ARHGAP21: variants seen among roughly 807,000 people sequenced by gnomAD.
The protein encoded by ARHGAP21 is rho GTPase-activating protein 21.
ARHGAP21 carries 38 observed loss-of-function variants against 164.6 expected under a neutral mutation model. That is an observed-to-expected ratio of 0.23 (90% confidence interval 0.18 to 0.30). ARHGAP21 has a LOEUF of 0.30. Ranked by LOEUF, ARHGAP21 falls within the 10% of genes least tolerant of loss-of-function variation. ARHGAP21 has a pLI of 1.00. For missense variants in ARHGAP21, 1,822 were observed against 2,370.7 expected (o/e 0.77, Z 4.81); for synonymous variants, 766 against 857.9 (o/e 0.89, Z 1.87).
intron 4 of ARHGAP21, among the ~76,000 whole-genome samples, chr10:24,654,127 C>G (rs2131581655): frequency 6.6e-6 from 1 of 152,256 alleles, no homozygotes; most frequent in Non-Finnish European, 1.5e-5. Context: ...GGACGTATCT[C>G]AAAATAATAA....
At chr10:24,716,813 T>A (rs1398141579) in intron 2 of ARHGAP21, among the ~76,000 whole-genome samples, 1 of 152,134 alleles carries the variant, frequency 6.6e-6, no homozygotes, top group East Asian at 1.9e-4. Flanking sequence ...CAAAGATCAC[T>A]CCAAGATGCC....
At chr10:24,614,782 C>CAAAA (rs34148464) in intron 9 of ARHGAP21, among the ~76,000 whole-genome samples, 43 of 110,112 alleles carry the variant, frequency 3.9e-4, no homozygotes, top group Non-Finnish European at 5.7e-4. Context: ...GACTCCATCT[C>CAAAA]AAAAAAAAAA....
chr10:24,602,819 A>T (rs2076870017), intron 12 of ARHGAP21, among the ~76,000 whole-genome samples: 1 of 152,138 alleles, frequency 6.6e-6, no homozygotes, highest in Admixed American at 6.5e-5. Flanking sequence ...GCTTGGATTT[A>T]AGTAGTATAG....
At chr10:24,650,852 A>T (rs1838090245) in intron 4 of ARHGAP21, among the ~76,000 whole-genome samples, 1 of 152,184 alleles carries the variant, frequency 6.6e-6, no homozygotes, top group Non-Finnish European at 1.5e-5. Flanking sequence ...CAGAGAGGTG[A>T]GTCCAGTGCT....
chr10:24,652,368 T>A (rs1838268016), intron 4 of ARHGAP21, among the ~76,000 whole-genome samples: 1 of 152,146 alleles, frequency 6.6e-6, no homozygotes, highest in Admixed American at 6.5e-5. Flanking sequence ...GGCTTAATTG[T>A]GAATAACGCA....
chr10:24,647,893 A>C (rs1837734833), intron 4 of ARHGAP21, among the ~76,000 whole-genome samples: 1 of 152,208 alleles, frequency 6.6e-6, no homozygotes, highest in African/African-American at 2.4e-5. Context: ...GCTGGAGTGC[A>C]GTGACACGAT....
intron 7 of ARHGAP21, among the ~76,000 whole-genome samples, chr10:24,625,299 G>GCAAAAAAAA (rs768183583): frequency 1.9e-5 from 1 of 53,798 alleles, no homozygotes; most frequent in Non-Finnish European, 3.4e-5. Context: ...ATGAAACAGA[G>GCAAAAAAAA]AAAAAAAAAA....
chr10:24,619,285 T>C (rs931571081), intron 9 of ARHGAP21, among the ~76,000 whole-genome samples, 188 bp downstream of exon 9: 6 of 151,700 alleles, frequency 4.0e-5, no homozygotes, highest in African/African-American at 1.2e-4. Context: ...AAAAGGAAAA[T>C]TGGTACTAGA....
chr10:24,660,186 A>G (rs1389941744), intron 4 of ARHGAP21, among the ~76,000 whole-genome samples: 1 of 151,956 alleles, frequency 6.6e-6, no homozygotes, highest in Non-Finnish European at 1.5e-5. Flanking sequence ...TGTTTCCCTA[A>G]CTATCAGAGA....
intron 2 of ARHGAP21, among the ~76,000 whole-genome samples, chr10:24,670,807 T>C (rs7907095): frequency 0.031 from 4,677 of 152,244 alleles, 220 homozygotes; most frequent in African/African-American, 0.1. Flanking sequence ...CCTTATCAGA[T>C]AGTCCAACAG....
Position 24,600,998 on chromosome 10 carries a change from T to C in ARHGAP21, c.2848-68A>G, listed in dbSNP as rs1446129030. On this transcript the variant is annotated intron_variant, in intron 13 of 25. Coordinates refer to ENST00000396432, the MANE Select transcript of ARHGAP21 (RefSeq NM_020824.4). ...AAATCTTTGTGACAGGATAAGCACA[T>C]TAAGCAACACCCTTCCTCTGCATTT... The C allele has an allele frequency of 5.2e-6, 8 of 1,535,442 alleles. No homozygotes were observed. In the African/African-American group the frequency reaches 1.1e-4, roughly 21 times the overall value.
At chr10:24,682,258 A>C (rs1271344888) in intron 2 of ARHGAP21, among the ~76,000 whole-genome samples, 1 of 152,224 alleles carries the variant, frequency 6.6e-6, no homozygotes, top group Non-Finnish European at 1.5e-5. Context: ...AATATCCATA[A>C]AACTTTTAGC....
rs775797680 is a variant in ARHGAP21, at chr10:24,607,871, T to C, written c.2455A>G (p.Ile819Val). The C allele has an allele frequency of 4.3e-6, 7 of 1,613,514 alleles. No individual in the cohort carries two copies. The highest frequency in any genetic ancestry group is 1.1e-5 in the South Asian group (1 of 90,994). ...EPTSPSIDHD[I>V]AHIPASAVIS... ...ACAGCAGAGGCAGGGATATGTGCAA[T>C]ATCATGATCAATGCTAGGGCTAGTT... Residue 819 changes from isoleucine (I) to valine (V), a missense_variant, in exon 10 of 26, where the codon ATT becomes GTT. Ile to Val is a conservative substitution (Grantham distance 29, BLOSUM62 3). Around this residue, in one of 5 missense-constraint regions of ARHGAP21, gnomAD observed 1,090 missense variants for 1,378.9 expected, o/e 0.79. Coordinates refer to ENST00000396432, the MANE Select transcript of ARHGAP21 (RefSeq NM_020824.4).
intron 7 of ARHGAP21, among the ~76,000 whole-genome samples, chr10:24,628,429 T>G (rs1835353638): frequency 1.3e-5 from 2 of 152,312 alleles, no homozygotes; most frequent in African/African-American, 4.8e-5. Flanking sequence ...GTGATTTTTT[T>G]TTTTATAAAA....
At chr10:24,659,241 T>G (rs1839421974) in intron 4 of ARHGAP21, among the ~76,000 whole-genome samples, 1 of 152,220 alleles carries the variant, frequency 6.6e-6, no homozygotes, top group African/African-American at 2.4e-5. Flanking sequence ...TGCATGCATG[T>G]TCACAGCAGC....
intron 2 of ARHGAP21, among the ~76,000 whole-genome samples, chr10:24,708,612 T>A (rs747641411): frequency 6.6e-6 from 1 of 152,204 alleles, no homozygotes; most frequent in African/African-American, 2.4e-5. Context: ...CCATTGTCTA[T>A]CCTTCCACTC....
intron 11 of ARHGAP21, among the ~76,000 whole-genome samples, chr10:24,606,053 A>C (rs1218678823): frequency 6.6e-6 from 1 of 152,212 alleles, no homozygotes; most frequent in East Asian, 1.9e-4. Context: ...TAGAAAATGT[A>C]AAGTTGTCTC....
chr10:24,667,169 T>C (rs1007529122), intron 3 of ARHGAP21, among the ~76,000 whole-genome samples, 160 bp from the exon 4 acceptor site: 21 of 152,322 alleles, frequency 1.4e-4, no homozygotes, highest in African/African-American at 5.1e-4. Context: ...CTATAGCCAC[T>C]GGCAAGCTCA....
chr10:24,604,416 T>A (rs1430983641), intron 11 of ARHGAP21, 68 bp from the exon 12 acceptor site: 4 of 1,081,128 alleles, frequency 3.7e-6, no homozygotes, highest in Non-Finnish European at 5.4e-6. Flanking sequence ...GTAAGAATAA[T>A]TTGAATATTA....
Sources: allele counts gnomAD v4.1 joint callset (sites outside exome capture counted in the v4.1 genomes callset), GRCh38; gene constraint gnomAD v4.1.1; regional missense constraint gnomAD v4.1.1; transcripts MANE v1.5; gene names NCBI Gene and HGNC (gene_info 2026-07-23, HGNC 2026-07-21).